The following COL10A1 variants were observed in gnomAD, a reference collection of about 807,000 sequenced individuals.
COL10A1 encodes collagen type X alpha 1 chain, also known as collagen alpha-1(X) chain.
Under a neutral mutation model 18.2 loss-of-function variants are expected in COL10A1, and 10 were observed. The observed-to-expected ratio is 0.55, with a 90% CI of 0.34 to 0.93. COL10A1 has a LOEUF of 0.93. COL10A1 is among the 40% of genes least tolerant of loss of function. The pLI is 0.02. For missense variants in COL10A1, 897 were observed against 853.5 expected (o/e 1.05, Z -0.64); for synonymous variants, 330 against 316.6 (o/e 1.04, Z -0.45).
chr6:116,165,940 C>T, the COL10A1 span, among the ~76,000 whole-genome samples: 17 of 152,200 alleles, frequency 1.1e-4, no homozygotes, highest in Non-Finnish European at 2.4e-4. Flanking sequence ...TCTGTCCTCT[C>T]AGCTCAGGCT....
chr6:116,202,127 A>G, the COL10A1 span, among the ~76,000 whole-genome samples: 1 of 151,962 alleles, frequency 6.6e-6, no homozygotes, highest in East Asian at 1.9e-4. Flanking sequence ...ATTTAACTTG[A>G]AGTAGCCACG....
At chr6:116,175,700 C>T in the COL10A1 span, among the ~76,000 whole-genome samples, 1 of 152,180 alleles carries the variant, frequency 6.6e-6, no homozygotes, top group African/African-American at 2.4e-5. Context: ...ATGTCAGAAG[C>T]TGATGAACAC....
the COL10A1 span, among the ~76,000 whole-genome samples, chr6:116,211,236 G>A: frequency 2.0e-5 from 3 of 152,042 alleles, no homozygotes; most frequent in Admixed American, 6.6e-5. Context: ...CAGACAGTGA[G>A]TGAAGAAACC....
intron 1 of COL10A1, among the ~76,000 whole-genome samples, chr6:116,135,614 T>A (rs1020883434): frequency 1.3e-5 from 2 of 151,620 alleles, no homozygotes; most frequent in Non-Finnish European, 2.9e-5. Flanking sequence ...CGAGCTATAT[T>A]TAATATTTAC....
At chr6:116,216,496 G>A in the COL10A1 span, among the ~76,000 whole-genome samples, 1 of 151,702 alleles carries the variant, frequency 6.6e-6, no homozygotes, top group South Asian at 2.1e-4. Context: ...CTGGAAATCA[G>A]ATACTGTTAA....
At chr6:116,214,524 A>G in the COL10A1 span, among the ~76,000 whole-genome samples, 1 of 152,106 alleles carries the variant, frequency 6.6e-6, no homozygotes. Context: ...AGTAATTCTC[A>G]AAGTGTGGTT....
intron 1 of COL10A1, among the ~76,000 whole-genome samples, chr6:116,143,733 T>C (rs1273040592): frequency 6.6e-6 from 1 of 152,316 alleles, no homozygotes; most frequent in Non-Finnish European, 1.5e-5. Context: ...TAAGTGATTG[T>C]TTTATGGATA....
At position 116,156,867 on chromosome 6, in the gene COL10A1, A is replaced by G. The variant is rs967642052; in HGVS notation, c.-16+1747T>C. On this transcript the variant is annotated intron_variant, in intron 1 of 1. Transcript: ENST00000418500. ...CACCCCACGGCCCCATTACATCACA[A>G]CTCTTGCCACAACCCCTTTTGTTCT... 3.3e-5 allele frequency among the ~76,000 whole-genome samples: 5 copies of G among 151,794 alleles called. No homozygotes were observed. In the South Asian group the frequency reaches 1.0e-3, roughly 32 times the overall value.
Position 116,119,989 on chromosome 6 carries a change from C to T in COL10A1, c.*84G>A. The T allele has an allele frequency of 8.5e-7, 1 of 1,172,552 alleles. No homozygotes were observed. Among genetic ancestry groups the T allele is most frequent in the Non-Finnish European group, 1.3e-6 (1 of 782,346 alleles). 72.6% of individuals were successfully genotyped at this position (1,172,552 alleles called of 1,614,324 possible). On this transcript the variant is annotated 3_prime_UTR_variant, in exon 3 of 3. Transcript: ENST00000651968. ...AAATAAAAATTACATTCTTTTCAGC[C>T]TACCTCCATATGCATTTTGTAGGGT...
At chr6:116,131,752 T>G (rs752115267) in intron 1 of COL10A1, among the ~76,000 whole-genome samples, 1 of 152,176 alleles carries the variant, frequency 6.6e-6, no homozygotes, top group African/African-American at 2.4e-5. Flanking sequence ...GGCTTTATTG[T>G]ACAGTTTATT....
At chr6:116,212,894 A>G in the COL10A1 span, among the ~76,000 whole-genome samples, 3 of 152,142 alleles carry the variant, frequency 2.0e-5, no homozygotes, top group East Asian at 5.8e-4. Context: ...TATGCTGACA[A>G]AAGCTTTTCA....
chr6:116,148,343 CA>C (rs1297572248), intron 1 of COL10A1, among the ~76,000 whole-genome samples: 2 of 152,028 alleles, frequency 1.3e-5, no homozygotes, highest in East Asian at 3.9e-4. Flanking sequence ...AGACAAAAAG[CA>C]AAATAGAAAA....
chr6:116,125,540 A>T (rs1303032396), intron 1 of COL10A1, 33 bp from the exon 2 acceptor site: 10 of 1,591,042 alleles, frequency 6.3e-6, no homozygotes, highest in Non-Finnish European at 8.6e-6. Flanking sequence ...TTTATACAGC[A>T]TTGTTATTAA....
chr6:116,149,503 G>A (rs1779982004), intron 1 of COL10A1, among the ~76,000 whole-genome samples: 1 of 152,174 alleles, frequency 6.6e-6, no homozygotes, highest in South Asian at 2.1e-4. Flanking sequence ...TAAGTAACTT[G>A]AGTCTGAGAC....
chr6:116,180,554 G>A, the COL10A1 span, among the ~76,000 whole-genome samples: 1 of 152,036 alleles, frequency 6.6e-6, no homozygotes, highest in Non-Finnish European at 1.5e-5. Flanking sequence ...TTATCACAAA[G>A]AAAGAAACAT....
chr6:116,206,587 A>G, the COL10A1 span, among the ~76,000 whole-genome samples: 1 of 151,854 alleles, frequency 6.6e-6, no homozygotes, highest in Non-Finnish European at 1.5e-5. Flanking sequence ...TGGAATAGCA[A>G]CTCTCCTTAC....
At chr6:116,165,445 T>G in the COL10A1 span, among the ~76,000 whole-genome samples, 1 of 152,234 alleles carries the variant, frequency 6.6e-6, no homozygotes, top group Non-Finnish European at 1.5e-5. Context: ...TTGCTTACTT[T>G]TTCTTCTTCT....
the COL10A1 span, among the ~76,000 whole-genome samples, chr6:116,214,166 C>T: frequency 6.6e-6 from 1 of 152,034 alleles, no homozygotes; most frequent in African/African-American, 2.4e-5. Context: ...CATTTGACTC[C>T]AAAGTGTGTG....
upstream of COL10A1, among the ~76,000 whole-genome samples, chr6:116,129,937 C>A (rs1436362703): frequency 6.6e-6 from 1 of 152,156 alleles, no homozygotes; most frequent in Admixed American, 6.5e-5. Flanking sequence ...CACACAGATA[C>A]AGCACACACA....
Sources: allele counts gnomAD v4.1 joint callset (sites outside exome capture counted in the v4.1 genomes callset), GRCh38; gene constraint gnomAD v4.1.1; transcripts MANE v1.5; gene names NCBI Gene and HGNC (gene_info 2026-07-23, HGNC 2026-07-21).